The following CDH8 variants were observed in gnomAD, a reference collection of about 807,000 sequenced individuals.
CDH8 encodes cadherin 8, also known as cadherin-8.
Under a neutral mutation model 68.1 loss-of-function variants are expected in CDH8, and 17 were observed. The observed-to-expected ratio is 0.25, with a 90% CI of 0.17 to 0.37. CDH8 has a LOEUF of 0.37. CDH8 is among the 10% of genes least tolerant of loss of function. CDH8 has a pLI of 1.00. For missense variants in CDH8, 763 were observed against 999.3 expected (o/e 0.76, Z 3.19); for synonymous variants, 372 against 365.1 (o/e 1.02, Z -0.21).
intron 2 of CDH8, among the ~76,000 whole-genome samples, chr16:61,932,874 A>G: frequency 6.6e-6 from 1 of 152,234 alleles, no homozygotes. Flanking sequence ...ACATATTTTG[A>G]TTCAGCAGAC....
intron 10 of CDH8, among the ~76,000 whole-genome samples, chr16:61,707,845 A>G (rs1009777699): frequency 3.9e-5 from 6 of 152,186 alleles, no homozygotes; most frequent in African/African-American, 1.4e-4. Flanking sequence ...AAGGACAGTT[A>G]TGTTTGTTTA....
intron 4 of CDH8, among the ~76,000 whole-genome samples, chr16:61,853,530 G>A (rs1962982954): frequency 2.0e-5 from 3 of 152,038 alleles, no homozygotes; most frequent in Non-Finnish European, 4.4e-5. Flanking sequence ...TTGATAGTAT[G>A]CCAGAATCCT....
chr16:62,013,977 G>C (rs1490965981), intron 2 of CDH8, among the ~76,000 whole-genome samples: 1 of 152,148 alleles, frequency 6.6e-6, no homozygotes, highest in Non-Finnish European at 1.5e-5. Context: ...TAAGAAAGCT[G>C]AGAATTTACT....
intron 8 of CDH8, among the ~76,000 whole-genome samples, chr16:61,755,242 A>C (rs1052683728): frequency 6.6e-6 from 1 of 152,160 alleles, no homozygotes; most frequent in African/African-American, 2.4e-5. Flanking sequence ...AGGGAGTATT[A>C]ATCTTAAGGA....
rs548735791 is a variant in CDH8, at chr16:61,827,814, G to A, written c.668-2635C>T. ...GGGAGGTAAGGGGCACTGACCCCAC[G>A]TACAGTTGAAAATCTGTATGTCATT... On this transcript the variant is annotated intron_variant, in intron 4 of 11. Coordinates refer to ENST00000577390, the MANE Select transcript of CDH8 (RefSeq NM_001796.5). Among the ~76,000 whole-genome samples, 34 of 151,892 alleles carry A rather than the reference G, an allele frequency of 2.2e-4. 1 individual carries two copies. The South Asian group carries it at 6.2e-3, about 28-fold the overall frequency.
chr16:61,963,061 A>C (rs867301877), intron 2 of CDH8, among the ~76,000 whole-genome samples: 221 of 152,330 alleles, frequency 1.5e-3, no homozygotes, highest in African/African-American at 5.2e-3. Context: ...CACGTAAATT[A>C]ATTCTTCTCT....
intron 2 of CDH8, among the ~76,000 whole-genome samples, chr16:61,985,199 G>A (rs1965605097): frequency 6.6e-6 from 1 of 151,774 alleles, no homozygotes; most frequent in South Asian, 2.1e-4. Flanking sequence ...TTGCAAGGAT[G>A]ATCAGAAATA....
At chr16:61,997,180 T>A (rs545026398) in intron 2 of CDH8, among the ~76,000 whole-genome samples, 1 of 152,276 alleles carries the variant, frequency 6.6e-6, no homozygotes, top group South Asian at 2.1e-4. Context: ...TCTCTCAGAG[T>A]CCACTTTGCT....
chr16:61,688,653 G>A (rs1182878484), intron 10 of CDH8, among the ~76,000 whole-genome samples: 1 of 151,942 alleles, frequency 6.6e-6, no homozygotes, highest in African/African-American at 2.4e-5. Flanking sequence ...GTGGGGATAT[G>A]AAGATTCAAA....
intron 2 of CDH8, among the ~76,000 whole-genome samples, chr16:61,944,989 T>C: frequency 6.6e-6 from 1 of 152,022 alleles, no homozygotes; most frequent in Admixed American, 6.5e-5. Context: ...AGACAGCAGG[T>C]TCAAAGAAAA....
intron 8 of CDH8, among the ~76,000 whole-genome samples, chr16:61,747,608 T>C (rs1960055176): frequency 6.6e-6 from 1 of 152,050 alleles, no homozygotes; most frequent in African/African-American, 2.4e-5. Flanking sequence ...GAGTCTTCAA[T>C]GTTATTAACA....
At chr16:61,856,009 C>G (rs190977809) in intron 4 of CDH8, among the ~76,000 whole-genome samples, 126 of 152,128 alleles carry the variant, frequency 8.3e-4, no homozygotes, top group African/African-American at 2.9e-3. Flanking sequence ...ATTTTACGCC[C>G]TGACCTATTT....
At chr16:61,925,882 A>G (rs1274753699) in intron 2 of CDH8, among the ~76,000 whole-genome samples, 1 of 152,220 alleles carries the variant, frequency 6.6e-6, no homozygotes, top group African/African-American at 2.4e-5. Flanking sequence ...GACTCCAACC[A>G]GGATCAGGTC....
intron 2 of CDH8, among the ~76,000 whole-genome samples, chr16:62,017,930 A>G (rs991886604): frequency 1.3e-5 from 2 of 152,096 alleles, no homozygotes; most frequent in Admixed American, 6.6e-5. Flanking sequence ...GGGCTCCCAG[A>G]GTCTTGTTAT....
At chr16:61,820,314 GTTTTTTTTTTTTT>G (rs545670875) in intron 6 of CDH8, among the ~76,000 whole-genome samples, 1 of 90,762 alleles carries the variant, frequency 1.1e-5, no homozygotes, top group Admixed American at 1.3e-4. Context: ...TGCCTGTTTG[GTTTTTTTTTTTTT>G]TTTTTTTTTT....
At chr16:61,827,685 T>A (rs552491102) in intron 4 of CDH8, among the ~76,000 whole-genome samples, 1 of 151,904 alleles carries the variant, frequency 6.6e-6, no homozygotes, top group African/African-American at 2.4e-5. Context: ...CAAGAAATGC[T>A]CCATGGGACT....
At chr16:62,018,502 C>T (rs191561679) in intron 2 of CDH8, among the ~76,000 whole-genome samples, 217 of 152,212 alleles carry the variant, frequency 1.4e-3, no homozygotes, top group African/African-American at 5.0e-3. Context: ...ACTAAAGCAC[C>T]GGTGGGCACC....
At chr16:61,655,760 A>T (rs377569521) in intron 10 of CDH8, 39 bp from the exon 11 acceptor site, 3 of 1,576,260 alleles carry the variant, frequency 1.9e-6, no homozygotes, top group Non-Finnish European at 2.6e-6. Context: ...GCATCATTTC[A>T]AAATGACTCT....
intron 3 of CDH8, among the ~76,000 whole-genome samples, chr16:61,869,220 A>T (rs1963312188): frequency 6.6e-6 from 1 of 151,990 alleles, no homozygotes; most frequent in South Asian, 2.1e-4. Context: ...CTGGTCTTGG[A>T]GTACCAATGA....
Sources: gnomAD v4.1 joint callset for allele counts (sites outside exome capture counted in the v4.1 genomes callset) on GRCh38, gnomAD v4.1.1 for gene constraint, MANE v1.5 for transcripts, NCBI Gene and HGNC (gene_info 2026-07-23, HGNC 2026-07-21) for gene names.